PALM2AKAP2: variants seen among roughly 807,000 people sequenced by gnomAD.
PALM2AKAP2 encodes PALM2 and AKAP2 fusion.
Under a neutral mutation model 71.5 loss-of-function variants are expected in PALM2AKAP2, and 37 were observed. That is an observed-to-expected ratio of 0.52 (90% CI 0.40 to 0.68). The LOEUF (loss-of-function observed/expected upper bound fraction) is 0.68, where lower values mean the gene tolerates loss of function less well. Among genes scored for constraint, PALM2AKAP2 ranks in the 30% least tolerant of loss-of-function variants. PALM2AKAP2 has a pLI of 0.00. For synonymous variants in PALM2AKAP2, 468 were observed against 478.8 expected, an observed-to-expected ratio of 0.98 and a Z score of 0.29; for missense variants, 1,224 against 1,191.8, an observed-to-expected ratio of 1.03 and a Z score of -0.40.
intron 1 of PALM2AKAP2, among the ~76,000 whole-genome samples, chr9:109,669,753 C>T (rs1403820828): frequency 6.6e-6 from 1 of 151,900 alleles, no homozygotes; most frequent in East Asian, 1.9e-4. Context: ...ATAATGTCCT[C>T]TTAATCTTTT....
At chr9:109,911,968 T>G (rs1304424792) in intron 3 of PALM2AKAP2, among the ~76,000 whole-genome samples, 1 of 151,838 alleles carries the variant, frequency 6.6e-6, no homozygotes, top group Non-Finnish European at 1.5e-5. Flanking sequence ...CCAGGCTGGG[T>G]TGGGGGGCTG....
intron 1 of PALM2AKAP2, among the ~76,000 whole-genome samples, chr9:109,859,810 C>T (rs771367697): frequency 6.6e-6 from 1 of 152,368 alleles, no homozygotes; most frequent in Non-Finnish European, 1.5e-5. Flanking sequence ...ACCTACCTTA[C>T]TTGTTCTTCT....
chr9:109,903,801 T>TG, intron 3 of PALM2AKAP2, among the ~76,000 whole-genome samples: 1 of 152,142 alleles, frequency 6.6e-6, no homozygotes, highest in South Asian at 2.1e-4. Flanking sequence ...GATTTTTTTT[T>TG]TTTTTTTTAC....
chr9:109,656,081 A>G (rs1235913621), intron 1 of PALM2AKAP2, among the ~76,000 whole-genome samples: 1 of 152,248 alleles, frequency 6.6e-6, no homozygotes, highest in Non-Finnish European at 1.5e-5. Context: ...GATACCAATA[A>G]AATCCTACCA....
At chr9:109,752,865 A>T (rs1828905701) in intron 1 of PALM2AKAP2, among the ~76,000 whole-genome samples, 1 of 152,190 alleles carries the variant, frequency 6.6e-6, no homozygotes, top group African/African-American at 2.4e-5. Flanking sequence ...TTGAGAAAAG[A>T]TGAGGTCCTG....
At chr9:110,028,874 GGAAAT>G (rs1833228891) in intron 7 of PALM2AKAP2, among the ~76,000 whole-genome samples, 1 of 151,468 alleles carries the variant, frequency 6.6e-6, no homozygotes, top group Non-Finnish European at 1.5e-5. Flanking sequence ...GTGTTGCAAA[GGAAAT>G]GAAGGGAACC....
At chr9:110,150,437 C>A (rs747728625) in intron 2 of PALM2AKAP2, among the ~76,000 whole-genome samples, 1 of 152,122 alleles carries the variant, frequency 6.6e-6, no homozygotes, top group Non-Finnish European at 1.5e-5. Context: ...TGGCTCATGG[C>A]CCCTTCCTCC....
chr9:109,921,852 A>G (rs1226652816), intron 3 of PALM2AKAP2, among the ~76,000 whole-genome samples: 2 of 152,212 alleles, frequency 1.3e-5, no homozygotes, highest in Non-Finnish European at 2.9e-5. Flanking sequence ...GAGTGAAATG[A>G]CAAATATTTC....
chr9:109,819,628 T>C (rs1448549935), intron 1 of PALM2AKAP2, among the ~76,000 whole-genome samples: 1 of 129,960 alleles, frequency 7.7e-6, no homozygotes, highest in Non-Finnish European at 1.8e-5. Context: ...CTGCTCCTTC[T>C]GCATACATCA....
At chr9:109,820,085 G>A (rs1391562583) in intron 1 of PALM2AKAP2, among the ~76,000 whole-genome samples, 1 of 152,186 alleles carries the variant, frequency 6.6e-6, no homozygotes, top group Non-Finnish European at 1.5e-5. Flanking sequence ...CTTATGTAAA[G>A]GAGGTGAGGA....
At chr9:109,966,664 T>C (rs1831955293) in intron 6 of PALM2AKAP2, among the ~76,000 whole-genome samples, 1 of 152,264 alleles carries the variant, frequency 6.6e-6, no homozygotes. Context: ...GGTACGTTGG[T>C]GTCTGTTACG....
intron 7 of PALM2AKAP2, among the ~76,000 whole-genome samples, chr9:110,031,567 T>C (rs10980152): frequency 0.056 from 8,475 of 152,316 alleles, 246 homozygotes; most frequent in Middle Eastern, 0.14. Context: ...TAGGGTATTC[T>C]ATTATTTAAT....
chr9:109,897,570 C>T (rs186537161), intron 3 of PALM2AKAP2, among the ~76,000 whole-genome samples: 160 of 151,966 alleles, frequency 1.1e-3, no homozygotes, highest in African/African-American at 3.5e-3. Flanking sequence ...CAGAGGGAGA[C>T]TCCATCTCAA....
chr9:109,988,579 G>A (rs1832419217), intron 6 of PALM2AKAP2, among the ~76,000 whole-genome samples: 1 of 70,256 alleles, frequency 1.4e-5, no homozygotes, highest in East Asian at 2.6e-4. Flanking sequence ...AGGAAGGAAG[G>A]AAAAAAGGAA....
chr9:110,066,990 C>T (rs508872), intron 1 of PALM2AKAP2, among the ~76,000 whole-genome samples: 440 of 152,154 alleles, frequency 2.9e-3, no homozygotes, highest in Non-Finnish European at 4.7e-3. Flanking sequence ...AAAGAGAGAG[C>T]TCTTCATTTG....
At chr9:110,122,279 G>A (rs1405758036) in intron 1 of PALM2AKAP2, among the ~76,000 whole-genome samples, 2 of 152,188 alleles carry the variant, frequency 1.3e-5, no homozygotes, top group African/African-American at 2.4e-5. Context: ...CGATTCTCCC[G>A]CTTCAGCCTC....
chr9:109,959,640 G>A (rs1408263925), intron 6 of PALM2AKAP2, among the ~76,000 whole-genome samples: 9 of 120,058 alleles, frequency 7.5e-5, no homozygotes, highest in Admixed American at 2.7e-4. Flanking sequence ...GCAAGACTCC[G>A]TCTCAAAAAA....
At chr9:109,791,779 T>G (rs545581793) in intron 1 of PALM2AKAP2, among the ~76,000 whole-genome samples, 26 of 152,276 alleles carry the variant, frequency 1.7e-4, no homozygotes, top group African/African-American at 5.5e-4. Context: ...ATGGGCACTG[T>G]GTGGGAATTT....
chr9:109,686,343 C>T (rs11791367), intron 1 of PALM2AKAP2, among the ~76,000 whole-genome samples: 15,805 of 152,180 alleles, frequency 0.1, 1,501 homozygotes, highest in African/African-American at 0.25. Flanking sequence ...CCTTATAAAA[C>T]GTATTTCTTA....
Sources: allele counts gnomAD v4.1 joint callset (sites outside exome capture counted in the v4.1 genomes callset), GRCh38; gene constraint gnomAD v4.1.1; transcripts MANE v1.5; gene names NCBI Gene and HGNC (gene_info 2026-07-23, HGNC 2026-07-21).